Variants in C2CD3 observed in about 807,000 individuals in gnomAD.
C2CD3 encodes C2 domain containing 3 centriole elongation regulator, also known as C2 domain-containing protein 3.
A neutral mutation model predicts 234.0 loss-of-function variants in C2CD3; 148 were observed. The observed-to-expected ratio is 0.63, with a 90% CI of 0.55 to 0.72. The LOEUF is 0.72. Among genes scored for constraint, C2CD3 ranks in the 30% least tolerant of loss-of-function variants. The pLI, the probability that C2CD3 is intolerant of heterozygous loss-of-function variation, is 0.00. For synonymous variants in C2CD3, 1,000 were observed against 1,035.4 expected, an observed-to-expected ratio of 0.97 and a Z score of 0.66; for missense variants, 2,577 against 2,811.5, an observed-to-expected ratio of 0.92 and a Z score of 1.89.
intron 3 of C2CD3, among the ~76,000 whole-genome samples, chr11:74,145,072 C>T (rs1404692015): frequency 5.3e-5 from 8 of 152,124 alleles, no homozygotes; most frequent in African/African-American, 1.7e-4. Flanking sequence ...CTGGCAAATT[C>T]TTACAATACT....
At chr11:74,025,643 G>A (rs12291461) in intron 32 of C2CD3, among the ~76,000 whole-genome samples, 9,083 of 152,074 alleles carry the variant, frequency 0.06, 853 homozygotes, top group African/African-American at 0.2. Flanking sequence ...CCAAGACTCA[G>A]AGAGGCCTGA....
rs556507031 is a variant in C2CD3, at chr11:74,069,996, C to T, written c.4951+4257G>A. Among the ~76,000 whole-genome samples, 80 of 152,268 alleles carry T rather than the reference C, an allele frequency of 5.3e-4. 1 individual carries two copies. The highest frequency in any genetic ancestry group is 1.9e-3 in the African/African-American group (79 of 41,550). ...AAGCACATGGGAACCCAGAGGTGTC[C>T]TGAACTCTGCCTTGATGGGCTAAAG... On this transcript the variant is annotated intron_variant, in intron 24 of 32. Transcript: ENST00000334126.
intron 22 of C2CD3, among the ~76,000 whole-genome samples, chr11:74,083,159 T>G (rs1164251166): frequency 4.6e-5 from 7 of 152,168 alleles, no homozygotes; most frequent in Non-Finnish European, 8.8e-5. Flanking sequence ...CCATCTGATC[T>G]TTGAGAAACC....
chr11:74,133,810 T>A (rs1338174348), intron 5 of C2CD3, among the ~76,000 whole-genome samples: 1 of 152,216 alleles, frequency 6.6e-6, no homozygotes, highest in Non-Finnish European at 1.5e-5. Flanking sequence ...GAGACTCACC[T>A]CTTGTGGGGG....
At chr11:74,120,290 C>T (rs1023401085) in intron 8 of C2CD3, among the ~76,000 whole-genome samples, 2 of 152,048 alleles carry the variant, frequency 1.3e-5, no homozygotes, top group African/African-American at 4.8e-5. Context: ...CCCCAACCAC[C>T]CTACAGGCCC....
chr11:74,139,959 G>T (rs7941437), intron 3 of C2CD3, 131 bp from the exon 4 acceptor site: 1 of 304,346 alleles, frequency 3.3e-6, no homozygotes, highest in African/African-American at 5.0e-5. Flanking sequence ...CCATTCCCTA[G>T]AGGATTGTAA....
At chr11:74,090,266 C>T (rs34967371) in intron 20 of C2CD3, among the ~76,000 whole-genome samples, 32 of 152,262 alleles carry the variant, frequency 2.1e-4, no homozygotes, top group Admixed American at 1.2e-3. Context: ...CACTGGCTCA[C>T]GCCTGTAATC....
At position 74,170,893 on chromosome 11, in the gene C2CD3, C is replaced by A. The variant is rs1050470451; in HGVS notation, c.-101G>T. On this transcript the variant is annotated 5_prime_UTR_variant, in exon 1 of 33. Coordinates refer to ENST00000334126, the MANE Select transcript of C2CD3 (RefSeq NM_001286577.2). ...CACGGCGCCTGCGTTCCCCGGCAAC[C>A]GGCGCCGCTGGGCAGCCTGGGAGGC... 6 of 1,460,562 alleles carry A rather than the reference C, an allele frequency of 4.1e-6. No homozygotes were observed. Among genetic ancestry groups the A allele is most frequent in the South Asian group, 2.3e-5 (2 of 87,514 alleles). 90.5% of individuals were successfully genotyped at this position (1,460,562 alleles called of 1,614,324 possible).
chr11:74,133,647 C>T, intron 5 of C2CD3, 90 bp from the exon 6 acceptor site: 1 of 1,346,454 alleles, frequency 7.4e-7, no homozygotes, highest in Admixed American at 1.9e-5. Context: ...TCAGAGGACT[C>T]ACTAGTGTGT....
chr11:74,116,975 CGTATATATACACATATACGTGTATAT>C (rs1253073562), intron 9 of C2CD3, among the ~76,000 whole-genome samples: 8 of 70,794 alleles, frequency 1.1e-4, no homozygotes, highest in African/African-American at 4.1e-5. Flanking sequence ...CACATATACA[CGTATATATACACATATACGTGTATAT>C]GTATATATAC....
chr11:74,107,322 T>TCACA (rs142285119), intron 12 of C2CD3, among the ~76,000 whole-genome samples: 2,672 of 146,586 alleles, frequency 0.018, 55 homozygotes, highest in African/African-American at 0.051. Context: ...TGAAACTGTG[T>TCACA]CACACACACA....
rs766398654 is a variant in C2CD3, at chr11:74,078,321, G to A, written c.4397C>T (p.Thr1466Ile). ...ESVNKKQIMV[T>I]FKASKRAEVT... is the part of the protein sequence containing the mutation. ...TTCTGCTCTTTTGGATGCCTTGAAA[G>A]TGACCATAATCTGCTTTTTGTTTAC... Residue 1466 changes from threonine (T) to isoleucine (I), a missense_variant, in exon 23 of 33, where the codon ACT becomes ATT. Coordinates refer to ENST00000334126, the MANE Select transcript of C2CD3 (RefSeq NM_001286577.2). The A allele has an allele frequency of 4.3e-6, 7 of 1,614,060 alleles. No individual in the cohort carries two copies. Among genetic ancestry groups the A allele is most frequent in the Admixed American group, 1.7e-5 (1 of 60,002 alleles).
intron 3 of C2CD3, among the ~76,000 whole-genome samples, chr11:74,144,215 A>G (rs1416156914): frequency 2.6e-5 from 4 of 152,188 alleles, no homozygotes; most frequent in Non-Finnish European, 5.9e-5. Flanking sequence ...CCTTCTTATC[A>G]TATCCAACTA....
chr11:74,103,099 T>G, intron 14 of C2CD3, 32 bp downstream of exon 14: 1 of 1,572,140 alleles, frequency 6.4e-7, no homozygotes, highest in African/African-American at 1.4e-5. Flanking sequence ...ACCCCTATAT[T>G]CCTCTAATGG....
At chr11:74,160,625 T>C (rs1030572811) in intron 3 of C2CD3, among the ~76,000 whole-genome samples, 16 of 152,172 alleles carry the variant, frequency 1.1e-4, no homozygotes, top group African/African-American at 3.9e-4. Flanking sequence ...GGTTGGTCAA[T>C]GGGTACTATC....
intron 18 of C2CD3, among the ~76,000 whole-genome samples, chr11:74,093,472 T>C (rs995311063): frequency 3.3e-5 from 5 of 151,666 alleles, no homozygotes; most frequent in African/African-American, 1.2e-4. Flanking sequence ...ACCACAGTCA[T>C]TTAGGCAAGA....
Position 74,030,246 on chromosome 11 carries a change from G to A in C2CD3, c.6810-1848C>T, listed in dbSNP as rs149172901. ...AATTTCTCCATTTTTAAATGTATTA[G>A]TACTTATTGTTTTAAGGATTAAATG... On this transcript the variant is annotated intron_variant, in intron 31 of 32. Transcript: ENST00000334126. Among the ~76,000 whole-genome samples the A allele has an allele frequency of 1.8e-3, 272 of 152,090 alleles. 2 individuals carry two copies. Among genetic ancestry groups the A allele is most frequent in the African/African-American group, 6.2e-3 (257 of 41,468 alleles).
At position 74,078,641 on chromosome 11, in the gene C2CD3, G is replaced by A. The variant is rs762177409; in HGVS notation, c.4077C>T (p.Ile1359=). 4.3e-6 allele frequency: 7 copies of A among 1,614,096 alleles called. No homozygotes were observed. Among genetic ancestry groups the A allele is most frequent in the South Asian group, 2.2e-5 (2 of 91,068 alleles). Residue 1359 remains isoleucine, a synonymous_variant, in exon 23 of 33, where the codon ATC becomes ATT. Transcript: ENST00000334126. ...LPHGLELMQK[I]VGGLELSISF... The stretch of plus-strand genomic sequence containing the variant: ...AAATCGAAAGCTCCAGACCACCCAC[G>A]ATCTTCTGCATGAGCTCCAGGCCAT...
At chr11:74,162,096 A>G (rs1161158991) in intron 2 of C2CD3, among the ~76,000 whole-genome samples, 1 of 152,162 alleles carries the variant, frequency 6.6e-6, no homozygotes, top group Non-Finnish European at 1.5e-5. Flanking sequence ...GATTACAAGT[A>G]TGAGGCACCA....
Sources: allele counts gnomAD v4.1 joint callset (sites outside exome capture counted in the v4.1 genomes callset), GRCh38; gene constraint gnomAD v4.1.1; transcripts MANE v1.5; gene names NCBI Gene and HGNC (gene_info 2026-07-23, HGNC 2026-07-21).